The following PAPSS2 variants were observed in gnomAD, a reference collection of about 807,000 sequenced individuals.
The protein encoded by PAPSS2 is bifunctional 3'-phosphoadenosine 5'-phosphosulfate synthase 2.
PAPSS2 carries 61 observed loss-of-function variants against 66.5 expected under a neutral mutation model. That is an observed-to-expected ratio of 0.92 (90% CI 0.75 to 1.14). The LOEUF (loss-of-function observed/expected upper bound fraction) is 1.14, where lower values mean the gene tolerates loss of function less well. PAPSS2 is among the 50% of genes most tolerant of loss of function. PAPSS2 has a pLI of 0.00. For missense variants in PAPSS2, 708 were observed against 789.6 expected, an observed-to-expected ratio of 0.90 and a Z score of 1.24; for synonymous variants, 289 against 287.5, an observed-to-expected ratio of 1.01 and a Z score of -0.05.
At chr10:87,701,054 T>C (rs990041264) in intron 1 of PAPSS2, among the ~76,000 whole-genome samples, 1 of 151,718 alleles carries the variant, frequency 6.6e-6, no homozygotes, top group African/African-American at 2.4e-5. Context: ...TTTCTGTATA[T>C]TCATAAAATA....
chr10:87,712,364 G>T (rs1853472521), intron 2 of PAPSS2, among the ~76,000 whole-genome samples: 2 of 152,298 alleles, frequency 1.3e-5, no homozygotes, highest in South Asian at 4.1e-4. Context: ...CATTCCAGCT[G>T]ATTGCTGACT....
At position 87,709,394 on chromosome 10, in the gene PAPSS2, G is replaced by A. The variant is rs976416998; in HGVS notation, c.145+81G>A. 166 of 844,612 alleles carry A rather than the reference G, an allele frequency of 2.0e-4. 1 individual carries two copies. The highest frequency in any genetic ancestry group is 1.7e-3 in the Admixed American group (98 of 56,328). 52.3% of individuals were successfully genotyped at this position (844,612 alleles called of 1,614,324 possible). A position where few individuals can be genotyped will look rare whatever the true frequency, so the allele number is the denominator to read the frequency against. ...ACAATTTTATGGAAATTAGTGTAAC[G>A]TATTACATGCTTGTTTTATCATTAG... On this transcript the variant is annotated intron_variant, in intron 2 of 12. Transcript: ENST00000456849.
intron 1 of PAPSS2, among the ~76,000 whole-genome samples, chr10:87,691,547 A>C (rs1376301693): frequency 6.6e-6 from 1 of 151,972 alleles, no homozygotes; most frequent in Non-Finnish European, 1.5e-5. Context: ...ACCGCCGACC[A>C]CTTGAATGAG....
In PAPSS2 at chr10:87,680,356, T is replaced by G. The variant is rs1269691820; in HGVS notation, c.27+20348T>G. ...GTGCTTTGCAAGTATGAATTGAAAA[T>G]GGTGGTGTGGGGTGCTTTCTTGGCT... On this transcript the variant is annotated intron_variant, in intron 1 of 12. Transcript: ENST00000456849. 2.0e-5 allele frequency among the ~76,000 whole-genome samples: 3 copies of G among 152,182 alleles called. No individual in the cohort carries two copies. The East Asian group carries it at 5.8e-4, about 29-fold the overall frequency.
At chr10:87,673,774 T>TC (rs1459679500) in intron 1 of PAPSS2, among the ~76,000 whole-genome samples, 1 of 151,498 alleles carries the variant, frequency 6.6e-6, no homozygotes, top group African/African-American at 2.4e-5. Context: ...CTTTCCTTTT[T>TC]CTTGTCCACT....
chr10:87,724,767 A>G (rs1853638174), intron 8 of PAPSS2, among the ~76,000 whole-genome samples: 1 of 150,030 alleles, frequency 6.7e-6, no homozygotes, highest in Non-Finnish European at 1.5e-5. Context: ...TTTCTGATAT[A>G]TATCTGAATA....
intron 1 of PAPSS2, among the ~76,000 whole-genome samples, chr10:87,704,633 C>T (rs1294660855): frequency 6.6e-6 from 1 of 151,884 alleles, no homozygotes; most frequent in African/African-American, 2.4e-5. Flanking sequence ...CATCTGCTTA[C>T]TTTTTTTTGT....
chr10:87,742,975 G>A (rs1340473500), intron 10 of PAPSS2, among the ~76,000 whole-genome samples: 3 of 152,266 alleles, frequency 2.0e-5, no homozygotes, highest in Non-Finnish European at 4.4e-5. Flanking sequence ...GCTGGGTGCA[G>A]TGGCTTACGC....
chr10:87,689,361 A>C (rs1196980920), intron 1 of PAPSS2, among the ~76,000 whole-genome samples: 2 of 150,222 alleles, frequency 1.3e-5, no homozygotes, highest in Admixed American at 6.6e-5. Flanking sequence ...AAAAACAAAA[A>C]AAACCCACAA....
At chr10:87,691,772 G>T (rs1853174406) in intron 1 of PAPSS2, among the ~76,000 whole-genome samples, 1 of 152,138 alleles carries the variant, frequency 6.6e-6, no homozygotes, top group African/African-American at 2.4e-5. Context: ...CACCCAAGGA[G>T]AAAGGACTTT....
rs181576331 is a variant in PAPSS2 at position 87,665,606 on chromosome 10, C to T, written c.27+5598C>T. 1.4e-3 allele frequency among the ~76,000 whole-genome samples: 207 copies of T among 152,304 alleles called. 1 individual carries two copies. Among genetic ancestry groups the T allele is most frequent in the African/African-American group, 4.8e-3 (200 of 41,566 alleles). On this transcript the variant is annotated intron_variant, in intron 1 of 12. Transcript: ENST00000456849. ...TGTGAATACAACTTCCCAGGGACCACCCTCCCCTTTTATACTCACTTTCTA... is the reference window on the plus strand; with the variant it reads ...TGTGAATACAACTTCCCAGGGACCATCCTCCCCTTTTATACTCACTTTCTA...
At chr10:87,726,086 T>C (rs1392322425) in intron 8 of PAPSS2, among the ~76,000 whole-genome samples, 1 of 151,972 alleles carries the variant, frequency 6.6e-6, no homozygotes, top group African/African-American at 2.4e-5. Context: ...GTACAGAAAA[T>C]AGAATGAATA....
In PAPSS2 at chr10:87,691,585, T is replaced by C. The variant is rs1853172148; in HGVS notation, c.28-17611T>C. Among the ~76,000 whole-genome samples, 6 of 152,072 alleles carry C rather than the reference T, an allele frequency of 3.9e-5. 1 individual carries two copies. ...TTTCCTGGGGATGGTCCTGGGAATG[T>C]GTATTTTTAACAAGTGCCCATGAGA... On this transcript the variant is annotated intron_variant, in intron 1 of 12. Transcript: ENST00000456849.
At chr10:87,690,038 A>T (rs965562747) in intron 1 of PAPSS2, among the ~76,000 whole-genome samples, 2 of 152,208 alleles carry the variant, frequency 1.3e-5, no homozygotes, top group Non-Finnish European at 2.9e-5. Context: ...CAATTTAGTT[A>T]TATCTATTGA....
rs556797257 is a variant in PAPSS2 at position 87,691,542 on chromosome 10, C to T, written c.28-17654C>T. Among the ~76,000 whole-genome samples the T allele has an allele frequency of 3.0e-4, 46 of 151,416 alleles. No individual in the cohort carries two copies. The Middle Eastern group carries it at 0.011, about 35-fold the overall frequency. ...ACCCTAGTTTCTTGGGCCCTACCGC[C>T]GACCACTTGAATGAGAATTTCCTGG... On this transcript the variant is annotated intron_variant, in intron 1 of 12. Coordinates refer to ENST00000456849, the MANE Select transcript of PAPSS2 (RefSeq NM_001015880.2).
In PAPSS2 at chr10:87,714,751, C is replaced by T. The variant is rs754474933; in HGVS notation, c.527C>T (p.Thr176Ile). The T allele has an allele frequency of 1.3e-6, 2 of 1,580,994 alleles. No homozygotes were observed. The highest frequency in any genetic ancestry group is 1.7e-6 in the Non-Finnish European group (2 of 1,149,896). The change falls in exon 5 of 13, where the codon ACA becomes ATA. Residue 176 changes from threonine to isoleucine, a missense_variant. Transcript: ENST00000456849. ...TCACCCATATGCTTTGCAGGATTTA[C>T]AGGTATTGATTCTGATTATGAGAAA... The part of the protein sequence containing the change: ...RARAGEIKGF[T>I]GIDSDYEKPE...
At chr10:87,665,286 A>G (rs555134766) in intron 1 of PAPSS2, among the ~76,000 whole-genome samples, 59 of 151,642 alleles carry the variant, frequency 3.9e-4, no homozygotes, top group African/African-American at 1.4e-3. Flanking sequence ...ATCTCAGCTC[A>G]CTGCAAGTTC....
In PAPSS2 at chr10:87,678,554, G is replaced by A. The variant is rs145185399; in HGVS notation, c.27+18546G>A. ...TATTGCATACTATCTTCTGACAAGG[G>A]ACTAATATCCAGACTATATCAGAAA... On this transcript the variant is annotated intron_variant, in intron 1 of 12. Transcript: ENST00000456849. Among the ~76,000 whole-genome samples the A allele has an allele frequency of 2.6e-5, 4 of 151,808 alleles. No homozygotes were observed. The East Asian group carries it at 7.8e-4, about 29-fold the overall frequency.
At chr10:87,662,359 T>A (rs1281323829) in intron 1 of PAPSS2, among the ~76,000 whole-genome samples, 4 of 152,228 alleles carry the variant, frequency 2.6e-5, no homozygotes, top group Non-Finnish European at 5.9e-5. Context: ...GAGATAGTTT[T>A]GGTTTAAATG....
Sources: allele counts gnomAD v4.1 joint callset (sites outside exome capture counted in the v4.1 genomes callset), GRCh38; gene constraint gnomAD v4.1.1; transcripts MANE v1.5; gene names NCBI Gene and HGNC (gene_info 2026-07-23, HGNC 2026-07-21).